CES2: variants seen among roughly 807,000 people sequenced by gnomAD.
CES2 encodes cocaine esterase.
Under a neutral mutation model 52.1 loss-of-function variants are expected in CES2, and 42 were observed. That is an observed-to-expected ratio of 0.81 (90% CI 0.63 to 1.04). The LOEUF is 1.04. CES2 is among the 50% of genes least tolerant of loss of function. CES2 has a pLI of 0.00. For missense variants in CES2, 656 were observed against 724.3 expected, an observed-to-expected ratio of 0.91 and a Z score of 1.08; for synonymous variants, 277 against 289.6, an observed-to-expected ratio of 0.96 and a Z score of 0.44.
At chr16:66,942,622 C>T (rs753412301) in intron 9 of CES2, 26 bp from the exon 10 acceptor site, 18 of 1,612,630 alleles carry the variant, frequency 1.1e-5, no homozygotes, top group African/African-American at 1.3e-5. Context: ...GAGGGGCCAC[C>T]GTGTCATGGG....
intron 9 of CES2, 93 bp downstream of exon 9, chr16:66,942,342 T>C: frequency 1.5e-6 from 2 of 1,339,400 alleles, no homozygotes; most frequent in Admixed American, 2.2e-5. Context: ...TCAGCACTCA[T>C]GTTTATTGGG....
At position 66,938,080 on chromosome 16, in the gene CES2, G is replaced by C. The variant is rs1320037254; in HGVS notation, c.120G>C (p.Gln40His). The C allele has an allele frequency of 6.2e-7, 1 of 1,614,076 alleles. No homozygotes were observed. The highest frequency in any genetic ancestry group is 8.5e-7 in the Non-Finnish European group (1 of 1,180,034). The change falls in exon 2 of 12, where the codon CAG becomes CAC. Residue 40 changes from glutamine to histidine, a missense_variant. By Grantham distance (24) the Gln-to-His change is conservative. Transcript: ENST00000317091. ...ASPIRTTHTG[Q>H]VLGSLVHVKG... is the part of the protein sequence containing the mutation. ...CCATCCGGACCACACACACGGGGCA[G>C]GTGCTGGGGAGTCTTGTCCATGTGA...
rs752154344 is a variant in CES2, at chr16:66,940,671, C to T, written c.792C>T (p.Ala264=). The change falls in exon 5 of 12, where the codon GCC becomes GCT. Residue 264 remains alanine, a synonymous_variant. Coordinates refer to ENST00000317091, the MANE Select transcript of CES2 (RefSeq NM_001365405.1). ...TGGCCCTCCTGCCCGGCCTCATTGC[C>T]AGCTCAGCTGATGTCATCTCCACGG... is the stretch of plus-strand genomic sequence containing the variant. ...SGVALLPGLI[A]SSADVISTVV... 1 of 1,614,194 alleles carries T rather than the reference C, an allele frequency of 6.2e-7. No homozygotes were observed. Among genetic ancestry groups the T allele is most frequent in the African/African-American group, 1.3e-5 (1 of 75,054 alleles).
chr16:66,941,132 C>A lies in CES2; in HGVS notation c.825C>A (p.Ala275=). The A allele has an allele frequency of 6.2e-7, 1 of 1,613,916 alleles. No homozygotes were observed. Among genetic ancestry groups the A allele is most frequent in the South Asian group, 1.1e-5 (1 of 91,042 alleles). The change falls in exon 6 of 12, where the codon GCC becomes GCA. Residue 275 remains alanine, a synonymous_variant. Coordinates refer to ENST00000317091, the MANE Select transcript of CES2 (RefSeq NM_001365405.1). The part of the protein sequence containing the change: ...SSADVISTVV[A]NLSACDQVDS... ...GCCTGGTCCCTTTACAGGTGGTGGC[C>A]AACCTGTCTGCCTGTGACCAAGTTG...
At chr16:66,940,166 C>T in intron 3 of CES2, 56 bp from the exon 4 acceptor site, 3 of 1,601,560 alleles carry the variant, frequency 1.9e-6, no homozygotes, top group East Asian at 4.5e-5. Context: ...AGGTAGTGGC[C>T]CTGGTGGGGT....
intron 2 of CES2, among the ~76,000 whole-genome samples, chr16:66,938,840 C>T (rs1963280226): frequency 6.6e-6 from 1 of 152,154 alleles, no homozygotes; most frequent in Non-Finnish European, 1.5e-5. Context: ...AATTAACATC[C>T]ATTCACTCAT....
chr16:66,943,558 C>G lies in CES2; in HGVS notation c.1493+187C>G. Reference sequence around the variant, plus strand: ...GGGGCAGTGGACACGCTCTATCTCTCCAGTCTACCTGGAGGGTGGGCGCCA... The same window carrying G: ...GGGGCAGTGGACACGCTCTATCTCTGCAGTCTACCTGGAGGGTGGGCGCCA... On this transcript the variant is annotated intron_variant, in intron 11 of 11. Transcript: ENST00000317091. The surrounding 1 kb of genome is among the most constrained non-coding windows in gnomAD (Gnocchi z 4.2). 1.6e-6 allele frequency: 1 copy of G among 632,654 alleles called. No individual in the cohort carries two copies. Among genetic ancestry groups the G allele is most frequent in the South Asian group, 2.0e-5 (1 of 50,178 alleles). 39.2% of individuals were successfully genotyped at this position (632,654 alleles called of 1,614,324 possible). A position where few individuals can be genotyped will look rare whatever the true frequency, so the allele number is the denominator to read the frequency against.
chr16:66,938,293 G>A (rs1430953125), intron 2 of CES2, 52 bp downstream of exon 2: 21 of 1,313,484 alleles, frequency 1.6e-5, no homozygotes, highest in Non-Finnish European at 2.0e-5. Context: ...CAGGGGTGGG[G>A]GTGCTCTGAG....
chr16:66,934,696 C>G (rs1318240017), upstream of CES2: 4 of 282,716 alleles, frequency 1.4e-5, no homozygotes, highest in Non-Finnish European at 2.0e-5. This position sits in a 1 kb window ranked among gnomAD's most constrained non-coding sequence, Gnocchi z 4.1. Context: ...ACCGCTTCCT[C>G]CTGGAAGTCA....
chr16:66,944,824 C>A lies in CES2; in HGVS notation c.*799C>A, dbSNP rs936610752. The A allele has an allele frequency of 6.6e-6, 1 of 152,280 alleles. No homozygotes were observed. Among genetic ancestry groups the A allele is most frequent in the Non-Finnish European group, 1.5e-5 (1 of 68,084 alleles). 9.4% of individuals were successfully genotyped at this position (152,280 alleles called of 1,614,324 possible). A position where few individuals can be genotyped will look rare whatever the true frequency, so the allele number is the denominator to read the frequency against. On this transcript the variant is annotated 3_prime_UTR_variant, in exon 12 of 12. Transcript: ENST00000317091. ...CAAGCCTGCCATGGGTCCTCTCTTG[C>A]TAGACACACTCCATAGATCCCCCCA...
At chr16:66,936,612 G>A (rs1963222444) in intron 1 of CES2, among the ~76,000 whole-genome samples, 1 of 152,184 alleles carries the variant, frequency 6.6e-6, no homozygotes, top group Admixed American at 6.5e-5. Context: ...CAGGGCAAAG[G>A]TGAAGGCTCT....
chr16:66,934,614 G>A, upstream of CES2: 1 of 565,168 alleles, frequency 1.8e-6, no homozygotes, highest in Non-Finnish European at 3.0e-6. This position sits in a 1 kb window ranked among gnomAD's most constrained non-coding sequence, Gnocchi z 4.1. Context: ...GTGCGAGCCA[G>A]TAGCGGGCTG....
chr16:66,934,746 C>T (rs574777374), upstream of CES2: 20 of 211,842 alleles, frequency 9.4e-5, no homozygotes, highest in African/African-American at 4.6e-4. This position sits in a 1 kb window ranked among gnomAD's most constrained non-coding sequence, Gnocchi z 4.1. Context: ...GGTTGGTCGC[C>T]TCTGGCCTGG....
At chr16:66,939,397 A>G in intron 3 of CES2, 39 bp downstream of exon 3, 1 of 1,609,634 alleles carries the variant, frequency 6.2e-7, no homozygotes, top group Non-Finnish European at 8.5e-7. Context: ...GTTGGAGGAC[A>G]GTTCTTCTGC....
At position 66,941,510 on chromosome 16, in the gene CES2, T is replaced by C; in HGVS notation, c.920T>C (p.Phe307Ser). 1 of 1,613,988 alleles carries C rather than the reference T, an allele frequency of 6.2e-7. No individual in the cohort carries two copies. Among genetic ancestry groups the C allele is most frequent in the South Asian group, 1.1e-5 (1 of 91,078 alleles). ...TGACCTTACATTTCCCCTCAGCCTTTCAAGATGATCCCCGGAGTGGTGGAT... is the reference window on the plus strand; with the variant it reads ...TGACCTTACATTTCCCCTCAGCCTTCCAAGATGATCCCCGGAGTGGTGGAT... ...KEEILAINKPFKMIPGVVDGV... is the reference protein window; with the variant it reads ...KEEILAINKPSKMIPGVVDGV... The change falls in exon 7 of 12, where the codon TTC (phenylalanine) becomes TCC (serine). Residue 307 changes from phenylalanine to serine, a missense_variant. Phe to Ser is a radical substitution (Grantham distance 155). Transcript: ENST00000317091.
At chr16:66,935,784 G>A (rs775183302) in intron 1 of CES2, 73 bp downstream of exon 1, 141 of 1,595,298 alleles carry the variant, frequency 8.8e-5, no homozygotes, top group Non-Finnish European at 1.2e-4. Context: ...GAACCTGACA[G>A]TGCGGGAGGG....
In CES2 at chr16:66,945,075, A is replaced by T. The variant is rs1282648601; in HGVS notation, c.*1050A>T. 1 of 152,294 alleles carries T rather than the reference A, an allele frequency of 6.6e-6. No homozygotes were observed. The highest frequency in any genetic ancestry group is 1.5e-5 in the Non-Finnish European group (1 of 68,096). The allele number at this position is 152,294 out of a possible 1,614,324, so 9.4% of individuals were successfully genotyped here. A position where few individuals can be genotyped will look rare whatever the true frequency, so the allele number is the denominator to read the frequency against. The stretch of plus-strand genomic sequence containing the variant: ...GTTCATCCCTGAGAGGTCTGAAAGA[A>T]TAAAAATAAATTCTAAAAAAAGCCT... On this transcript the variant is annotated 3_prime_UTR_variant, in exon 12 of 12. Transcript: ENST00000317091.
At chr16:66,935,036 C>T (rs981747655), upstream of CES2, 15 of 184,992 alleles carry the variant, frequency 8.1e-5, no homozygotes, top group Non-Finnish European at 1.4e-4. Flanking sequence ...CCCTCAGACC[C>T]TGGACTGTAA....
Position 66,944,190 on chromosome 16 carries a change from C to A in CES2, c.*165C>A. On this transcript the variant is annotated 3_prime_UTR_variant, in exon 12 of 12. Transcript: ENST00000317091. Reference sequence around the variant, plus strand: ...AGAAAGCATTTATTAAGAATTTACTCAGGCATGATGGCCCATACTTGTAAT... The same window carrying A: ...AGAAAGCATTTATTAAGAATTTACTAAGGCATGATGGCCCATACTTGTAAT... 1 of 472,752 alleles carries A rather than the reference C, an allele frequency of 2.1e-6. No individual in the cohort carries two copies. Among genetic ancestry groups the A allele is most frequent in the Admixed American group, 3.9e-5 (1 of 25,370 alleles). 29.3% of individuals were successfully genotyped at this position (472,752 alleles called of 1,614,324 possible).
Sources: gnomAD v4.1 joint callset for allele counts (sites outside exome capture counted in the v4.1 genomes callset) on GRCh38, gnomAD v4.1.1 for gene constraint, Gnocchi (gnomAD v3.1) non-coding constraint, MANE v1.5 for transcripts, NCBI Gene and HGNC (gene_info 2026-07-23, HGNC 2026-07-21) for gene names.